Variants in ZNF236 observed in about 807,000 individuals in gnomAD.
The protein encoded by ZNF236 is zinc finger protein 236.
ZNF236 carries 50 observed loss-of-function variants against 191.2 expected under a neutral mutation model. That is an observed-to-expected ratio of 0.26 (90% CI 0.21 to 0.33). The LOEUF is 0.33. ZNF236 is among the 10% of genes least tolerant of loss of function. ZNF236 has a pLI of 1.00. For missense variants in ZNF236, 1,754 were observed against 2,374.5 expected (o/e 0.74, Z 5.43); for synonymous variants, 907 against 928.8 (o/e 0.98, Z 0.43).
In ZNF236 at chr18:76,968,988, C is replaced by T. The variant is rs1434004411; in HGVS notation, c.*649C>T. The T allele has an allele frequency of 2.0e-6, 2 of 985,778 alleles. No individual in the cohort carries two copies. The highest frequency in any genetic ancestry group is 2.4e-6 in the Non-Finnish European group (2 of 829,998). 61.1% of individuals were successfully genotyped at this position (985,778 alleles called of 1,614,324 possible). On this transcript the variant is annotated 3_prime_UTR_variant, in exon 31 of 31. Coordinates refer to ENST00000320610, the MANE Select transcript of ZNF236 (RefSeq NM_001306089.2). ...AGTATCTGGGGCGTCAACATGGGGACTCGAGTAAACCTGACCCACCAATAA... is the reference window on the plus strand; with the variant it reads ...AGTATCTGGGGCGTCAACATGGGGATTCGAGTAAACCTGACCCACCAATAA...
chr18:76,912,775 T>C (rs1415933719), intron 17 of ZNF236, among the ~76,000 whole-genome samples: 3 of 152,234 alleles, frequency 2.0e-5, no homozygotes, highest in Non-Finnish European at 2.9e-5. Context: ...GTCCACTGGC[T>C]CAGCAGTACA....
intron 19 of ZNF236, among the ~76,000 whole-genome samples, chr18:76,918,463 C>T (rs1227910342): frequency 6.6e-6 from 1 of 152,198 alleles, no homozygotes. Flanking sequence ...CTCACTCTGT[C>T]ACCCAGGCAG....
Position 76,851,867 on chromosome 18 carries a change from C to T in ZNF236, c.291C>T (p.Cys97=). 6.2e-7 allele frequency: 1 copy of T among 1,614,008 alleles called. No individual in the cohort carries two copies. Among genetic ancestry groups the T allele is most frequent in the South Asian group, 1.1e-5 (1 of 91,018 alleles). ...CCCACAGCGGGGAAGATCCTACCTG[C>T]CCTGTGTGTAACAAGAAATTCTCCA... The part of the protein sequence containing the change: ...KCTHSGEDPT[C]PVCNKKFSRV... Residue 97 remains cysteine, a synonymous_variant, in exon 3 of 31, where the codon TGC becomes TGT. Coordinates refer to ENST00000320610, the MANE Select transcript of ZNF236 (RefSeq NM_001306089.2).
At chr18:76,861,980 C>G (rs1165957503) in intron 3 of ZNF236, among the ~76,000 whole-genome samples, 1 of 152,208 alleles carries the variant, frequency 6.6e-6, no homozygotes, top group Non-Finnish European at 1.5e-5. Context: ...TCTCCTGCCT[C>G]AGCCTCCCGA....
chr18:76,947,685 GT>G, intron 27 of ZNF236, 33 bp downstream of exon 27: 1 of 1,607,472 alleles, frequency 6.2e-7, no homozygotes, highest in Middle Eastern at 1.7e-4. Flanking sequence ...CAGAGCTTTT[GT>G]CGCTTTTAAA....
chr18:76,917,482 C>T (rs1274150927), intron 19 of ZNF236, among the ~76,000 whole-genome samples: 1 of 152,140 alleles, frequency 6.6e-6, no homozygotes, highest in East Asian at 1.9e-4. Context: ...ACCTTGTATG[C>T]CTTGTTTTCC....
intron 1 of ZNF236, among the ~76,000 whole-genome samples, chr18:76,824,819 C>G (rs1308093690): frequency 1.3e-5 from 2 of 152,200 alleles, no homozygotes; most frequent in Non-Finnish European, 2.9e-5. Context: ...GGGCCCTCCT[C>G]TTTCCATCTC....
At chr18:76,839,852 TA>T (rs1478762374) in intron 1 of ZNF236, among the ~76,000 whole-genome samples, 2 of 152,206 alleles carry the variant, frequency 1.3e-5, no homozygotes, top group Non-Finnish European at 2.9e-5. Context: ...GAAAACAGAA[TA>T]ATGGCAGCAA....
At position 76,925,391 on chromosome 18, in the gene ZNF236, T is replaced by C. The variant is rs1967646447; in HGVS notation, c.3864T>C (p.Thr1288=). 2 of 1,614,054 alleles carry C rather than the reference T, an allele frequency of 1.2e-6. No individual in the cohort carries two copies. The highest frequency in any genetic ancestry group is 1.7e-6 in the Non-Finnish European group (2 of 1,180,044). The change falls in exon 22 of 31, where the codon ACT becomes ACC. Residue 1288 remains threonine (T), a synonymous_variant. Transcript: ENST00000320610. The surrounding 1 kb of genome is among the most constrained non-coding windows in gnomAD (Gnocchi z 5.7). ...CAAAGAAGGCCAGAAAGCCTATGAC[T>C]CGAAGCTCATCGGAAGGACTGCAGC... ...PDPKKARKPM[T]RSSSEGLQPV...
At chr18:76,936,543 A>C (rs73968235) in intron 25 of ZNF236, among the ~76,000 whole-genome samples, 1 of 152,234 alleles carries the variant, frequency 6.6e-6, no homozygotes, top group African/African-American at 2.4e-5. Flanking sequence ...TTAAGATGTC[A>C]TGCAGGATAA....
chr18:76,837,050 A>G (rs1373753751), intron 1 of ZNF236, among the ~76,000 whole-genome samples: 4 of 134,574 alleles, frequency 3.0e-5, no homozygotes. Flanking sequence ...TAATTTTTGT[A>G]TTTTTAGTAG....
At chr18:76,901,879 T>C (rs1977604670) in intron 11 of ZNF236, among the ~76,000 whole-genome samples, 2 of 152,230 alleles carry the variant, frequency 1.3e-5, no homozygotes, top group African/African-American at 2.4e-5. Context: ...CATGGTAGCG[T>C]AGAATACTTT....
At chr18:76,833,892 TG>T (rs1975241164) in intron 1 of ZNF236, among the ~76,000 whole-genome samples, 1 of 152,156 alleles carries the variant, frequency 6.6e-6, no homozygotes, top group South Asian at 2.1e-4. Flanking sequence ...GGTCTTGTCA[TG>T]TTGTCCAGGC....
At chr18:76,936,107 G>A (rs759660585) in intron 25 of ZNF236, 7 of 456,680 alleles carry the variant, frequency 1.5e-5, no homozygotes, top group South Asian at 6.2e-5. Flanking sequence ...CTAGGAGAGC[G>A]CTGGACTGAT....
At chr18:76,938,205 C>T (rs547013489) in intron 26 of ZNF236, among the ~76,000 whole-genome samples, 7 of 151,842 alleles carry the variant, frequency 4.6e-5, no homozygotes, top group Admixed American at 2.0e-4. Context: ...GTCAGGGCAA[C>T]GTGGCAAAAC....
chr18:76,902,726 C>A (rs1218576878), intron 11 of ZNF236, among the ~76,000 whole-genome samples: 2 of 149,796 alleles, frequency 1.3e-5, no homozygotes, highest in Admixed American at 1.3e-4. Flanking sequence ...CATGTGCCAC[C>A]ATGCCTGGTA....
chr18:76,946,587 G>C (rs1968269481), intron 26 of ZNF236, among the ~76,000 whole-genome samples: 1 of 152,166 alleles, frequency 6.6e-6, no homozygotes, highest in Non-Finnish European at 1.5e-5. Context: ...TGTAAAATAT[G>C]TTTAGAATCA....
At chr18:76,965,257 A>G (rs939685179) in intron 30 of ZNF236, among the ~76,000 whole-genome samples, 1 of 152,106 alleles carries the variant, frequency 6.6e-6, no homozygotes, top group Non-Finnish European at 1.5e-5. Context: ...TATTTATGCT[A>G]TCAATTTCAT....
intron 13 of ZNF236, among the ~76,000 whole-genome samples, chr18:76,907,617 C>T (rs1008593788): frequency 2.0e-5 from 3 of 152,162 alleles, no homozygotes; most frequent in Non-Finnish European, 2.9e-5. Context: ...GTGTGAGCTG[C>T]GCGCCTGGCC....
Sources: gnomAD v4.1 joint callset for allele counts (sites outside exome capture counted in the v4.1 genomes callset) on GRCh38, gnomAD v4.1.1 for gene constraint, Gnocchi (gnomAD v3.1) non-coding constraint, MANE v1.5 for transcripts, NCBI Gene and HGNC (gene_info 2026-07-23, HGNC 2026-07-21) for gene names.